Variants in UTRN observed in about 807,000 individuals in gnomAD.
UTRN encodes dystrophin-related protein 1.
UTRN carries 283 observed loss-of-function variants against 463.9 expected under a neutral mutation model. The observed-to-expected ratio is 0.61, with a 90% confidence interval of 0.55 to 0.67. The LOEUF is 0.67. UTRN is among the 30% of genes least tolerant of loss of function. UTRN has a pLI of 0.00. For missense variants in UTRN, 3,922 were observed against 4,084.3 expected (o/e 0.96, Z 1.08); for synonymous variants, 1,442 against 1,431.5 (o/e 1.01, Z -0.17).
At chr6:144,836,083 T>C in intron 70 of UTRN, 145 bp downstream of exon 70, 1 of 1,413,446 alleles carries the variant, frequency 7.1e-7, no homozygotes, top group East Asian at 2.3e-5. Context: ...CAAACTGGGA[T>C]GCTGGCTGCA....
intron 39 of UTRN, among the ~76,000 whole-genome samples, chr6:144,519,124 T>G (rs1397704839): frequency 1.3e-5 from 2 of 152,172 alleles, no homozygotes; most frequent in Non-Finnish European, 2.9e-5. Context: ...ACTAGAGTAT[T>G]ACTGTTTTTA....
At chr6:144,294,695 GC>G (rs1330165117) in intron 2 of UTRN, among the ~76,000 whole-genome samples, 1 of 151,826 alleles carries the variant, frequency 6.6e-6, no homozygotes, top group East Asian at 1.9e-4. Context: ...AATTAAATTG[GC>G]ATAATAAAAA....
Position 144,622,171 on chromosome 6 carries a change from A to AT in UTRN, c.7479+44892dup, listed in dbSNP as rs758978823. 4.0e-4 allele frequency among the ~76,000 whole-genome samples: 36 copies of AT among 90,598 alleles called. 1 individual carries two copies. The highest frequency in any genetic ancestry group is 8.5e-4 in the African/African-American group (20 of 23,458). 59.4% of individuals were successfully genotyped at this position (90,598 alleles called of 152,430 possible). On this transcript the variant is annotated intron_variant, in intron 51 of 74. Transcript: ENST00000367545. ...TTTTATCTTACAATAGATGGTATCC[A>AT]TTTTTTTTTGTTGTTTTTTTTTTTT...
intron 52 of UTRN, among the ~76,000 whole-genome samples, chr6:144,681,064 T>A (rs1782148623): frequency 6.6e-6 from 1 of 152,152 alleles, no homozygotes; most frequent in South Asian, 2.1e-4. Flanking sequence ...GATGAGCCTG[T>A]TCTGAAGAGG....
chr6:144,546,211 T>G (rs1432154063), intron 46 of UTRN, among the ~76,000 whole-genome samples: 1 of 152,174 alleles, frequency 6.6e-6, no homozygotes, highest in East Asian at 1.9e-4. Context: ...GCCTTCTACT[T>G]CACTAGCTGC....
At chr6:144,425,054 GA>G (rs1785175287) in intron 6 of UTRN, among the ~76,000 whole-genome samples, 2 of 152,234 alleles carry the variant, frequency 1.3e-5, no homozygotes, top group South Asian at 4.1e-4. Context: ...AGTAGCAAAA[GA>G]AAATCTGAGA....
At position 144,700,062 on chromosome 6, in the gene UTRN, T is replaced by C. The variant is rs562602058; in HGVS notation, c.7653-25T>C. The stretch of plus-strand genomic sequence containing the variant: ...AATTTGCATTTCTAAATGTGGTTAT[T>C]ATTATTATTATTATCTCTCAACAGG... On this transcript the variant is annotated intron_variant, in intron 52 of 74. Coordinates refer to ENST00000367545, the MANE Select transcript of UTRN (RefSeq NM_007124.3). The C allele has an allele frequency of 1.9e-5, 29 of 1,547,160 alleles. No individual in the cohort carries two copies. The South Asian group carries it at 3.2e-4, about 17-fold the overall frequency.
At position 144,459,270 on chromosome 6, in the gene UTRN, G is replaced by A. The variant is rs373492503; in HGVS notation, c.2623G>A (p.Val875Ile). The A allele has an allele frequency of 1.2e-6, 2 of 1,613,936 alleles. No homozygotes were observed. Among genetic ancestry groups the A allele is most frequent in the Non-Finnish European group, 1.7e-6 (2 of 1,180,006 alleles). Reference protein sequence around the residue: ...LMSQPSAPDFVQRGFDSFLGR... With the variant: ...LMSQPSAPDFIQRGFDSFLGR... Reference sequence around the variant, plus strand: ...GTCTCAGCCTTCTGCCCCAGATTTTGTCCAGCGGGGCTTCGATAGCTTTCT... The same window carrying A: ...GTCTCAGCCTTCTGCCCCAGATTTTATCCAGCGGGGCTTCGATAGCTTTCT... The change falls in exon 21 of 75, where the codon GTC (valine) becomes ATC (isoleucine). Residue 875 changes from valine to isoleucine, a missense_variant. Around this residue, in one of 3 missense-constraint regions of UTRN, gnomAD observed 2,349 missense variants for 2,303.8 expected, o/e 1.02. Coordinates refer to ENST00000367545, the MANE Select transcript of UTRN (RefSeq NM_007124.3).
At chr6:144,692,894 AT>A in intron 52 of UTRN, among the ~76,000 whole-genome samples, 1 of 151,684 alleles carries the variant, frequency 6.6e-6, no homozygotes, top group Non-Finnish European at 1.5e-5. Flanking sequence ...GCTTAATTAG[AT>A]CCCATTTATC....
rs754190242 is a variant in UTRN, at chr6:144,482,405, A to ATTG, written c.3687+23_3687+25dup. 2,539 of 1,206,614 alleles carry ATTG rather than the reference A, an allele frequency of 2.1e-3. 55 individuals are homozygous for ATTG. In the African/African-American group the frequency reaches 0.038, roughly 18 times the overall value. 74.7% of individuals were successfully genotyped at this position (1,206,614 alleles called of 1,614,324 possible). A position where few individuals can be genotyped will look rare whatever the true frequency, so the allele number is the denominator to read the frequency against. On this transcript the variant is annotated intron_variant, in intron 27 of 74. Transcript: ENST00000367545. ...ACGCTAGAGGTATGCTATTATTATT[A>ATTG]TTGTTGTTATTATTATTATTATTAT...
chr6:144,610,398 T>TA, intron 51 of UTRN, among the ~76,000 whole-genome samples: 1 of 152,140 alleles, frequency 6.6e-6, no homozygotes, highest in East Asian at 1.9e-4. Context: ...AACAGACCAA[T>TA]AATAAGTAAG....
chr6:144,356,899 A>T (rs1778604634), intron 2 of UTRN, among the ~76,000 whole-genome samples: 1 of 149,026 alleles, frequency 6.7e-6, no homozygotes, highest in South Asian at 2.2e-4. Flanking sequence ...GTGTATATAT[A>T]CACACACACA....
chr6:144,786,989 T>A (rs1336911341), intron 61 of UTRN, among the ~76,000 whole-genome samples: 5 of 152,168 alleles, frequency 3.3e-5, no homozygotes, highest in Non-Finnish European at 7.3e-5. Flanking sequence ...GTGTGATGAA[T>A]GGGTGATTGA....
intron 2 of UTRN, among the ~76,000 whole-genome samples, chr6:144,326,241 G>A (rs1431152388): frequency 6.6e-6 from 1 of 151,154 alleles, no homozygotes; most frequent in Non-Finnish European, 1.5e-5. Context: ...TGATAGTACA[G>A]AAAATGCTGT....
Position 144,402,836 on chromosome 6 carries a change from G to A in UTRN, c.80-287G>A, listed in dbSNP as rs944666285. ...GGAAAGTAGGGCTCTGATTTGATCC[G>A]ATAAACCTGGATTTGGTCACTGATG... On this transcript the variant is annotated intron_variant, in intron 2 of 74. Transcript: ENST00000367545. Among the ~76,000 whole-genome samples, 34 of 152,124 alleles carry A rather than the reference G, an allele frequency of 2.2e-4. 1 individual carries two copies. Among genetic ancestry groups the A allele is most frequent in the Admixed American group, 2.2e-3 (34 of 15,268 alleles).
intron 69 of UTRN, among the ~76,000 whole-genome samples, chr6:144,829,996 G>T (rs927965561): frequency 6.6e-6 from 1 of 152,098 alleles, no homozygotes; most frequent in African/African-American, 2.4e-5. Context: ...ACCTACTGGT[G>T]TGCATTTCAT....
At chr6:144,768,960 T>TTG (rs1793684573) in intron 58 of UTRN, among the ~76,000 whole-genome samples, 1 of 147,704 alleles carries the variant, frequency 6.8e-6, no homozygotes, top group African/African-American at 2.5e-5. Context: ...TTTGTTTTGT[T>TTG]TTTTTTTTTT....
chr6:144,298,175 T>C (rs544877435), intron 2 of UTRN, among the ~76,000 whole-genome samples: 14 of 152,334 alleles, frequency 9.2e-5, no homozygotes, highest in Admixed American at 8.5e-4. Context: ...ATTTTTATCT[T>C]TTTATATGCC....
At chr6:144,766,438 T>C (rs188988039) in intron 58 of UTRN, among the ~76,000 whole-genome samples, 12 of 152,296 alleles carry the variant, frequency 7.9e-5, no homozygotes, top group Admixed American at 7.9e-4. Context: ...AAAGTAAATG[T>C]TAACAGAACC....
Sources: allele counts gnomAD v4.1 joint callset (sites outside exome capture counted in the v4.1 genomes callset), GRCh38; gene constraint gnomAD v4.1.1; regional missense constraint gnomAD v4.1.1; transcripts MANE v1.5; gene names NCBI Gene and HGNC (gene_info 2026-07-23, HGNC 2026-07-21).